Variants in BTBD2 observed in about 807,000 individuals in gnomAD.
BTBD2 encodes BTB/POZ domain-containing protein 2.
In BTBD2, 15 loss-of-function variants were observed where a neutral mutation model predicts 44.0. The observed-to-expected ratio is 0.34, with a 90% confidence interval of 0.23 to 0.53. BTBD2 has a LOEUF of 0.53. Ranked by LOEUF, BTBD2 falls within the 20% of genes least tolerant of loss-of-function variation. The pLI is 0.95. For missense variants in BTBD2, 657 were observed against 746.4 expected (o/e 0.88, Z 1.39); for synonymous variants, 443 against 335.9 (o/e 1.32, Z -3.49).
intron 1 of BTBD2, among the ~76,000 whole-genome samples, chr19:2,003,796 AAAG>A (rs2016360463): frequency 1.8e-5 from 2 of 111,198 alleles, no homozygotes; most frequent in Non-Finnish European, 4.2e-5. Flanking sequence ...AAGAGAAAGA[AAAG>A]AAAAGAAAAG....
rs1176271693 is a variant in BTBD2 at position 1,987,533 on chromosome 19, C to T, written c.1148G>A (p.Arg383His). The T allele has an allele frequency of 1.9e-6, 3 of 1,604,954 alleles. No homozygotes were observed. The highest frequency in any genetic ancestry group is 3.4e-5 in the Admixed American group (2 of 58,784). ...GTCACTGGTCCCGCTGTAGCCCCAG[C>T]GACTCTCCACCTGCTGGAAGCGGTT... is the stretch of plus-strand genomic sequence containing the variant. Reference protein sequence around the residue: ...SINRFQQVESRWGYSGTSDRI... With the variant: ...SINRFQQVESHWGYSGTSDRI... The change falls in exon 6 of 9, where the codon CGC (arginine) becomes CAC (histidine). Residue 383 changes from arginine to histidine, a missense_variant. Transcript: ENST00000255608.
chr19:2,011,310 G>A (rs1022114382), intron 1 of BTBD2, among the ~76,000 whole-genome samples: 20 of 151,986 alleles, frequency 1.3e-4, no homozygotes, highest in African/African-American at 4.1e-4. Context: ...CGTCCCCACC[G>A]AGCCCGCTGC....
chr19:1,989,681 C>CACAG, intron 5 of BTBD2: 1 of 394,748 alleles, frequency 2.5e-6, no homozygotes. Context: ...CTGAGCTCGT[C>CACAG]ACAGACACTG....
At chr19:2,008,314 TTTC>T (rs202032967) in intron 1 of BTBD2, among the ~76,000 whole-genome samples, 1,933 of 150,444 alleles carry the variant, frequency 0.013, 35 homozygotes, top group African/African-American at 0.044. Flanking sequence ...TTTTTTTTTT[TTTC>T]TAGGTGGAGT....
At chr19:1,998,560 C>G (rs1045381775) in intron 1 of BTBD2, among the ~76,000 whole-genome samples, 3 of 152,316 alleles carry the variant, frequency 2.0e-5, no homozygotes, top group African/African-American at 7.2e-5. Context: ...TCTTCGATAT[C>G]GCCACAGGCA....
chr19:2,012,664 C>G (rs1241050276), intron 1 of BTBD2, among the ~76,000 whole-genome samples: 1 of 152,204 alleles, frequency 6.6e-6, no homozygotes, highest in African/African-American at 2.4e-5. Flanking sequence ...GTCCCAGGCC[C>G]GCCCACCTTA....
intron 4 of BTBD2, chr19:1,990,500 A>G: frequency 1.6e-6 from 1 of 611,204 alleles, no homozygotes; most frequent in Non-Finnish European, 2.9e-6. Flanking sequence ...GATGGTCACC[A>G]TCAGCTGGGA....
At chr19:2,001,324 GTC>G (rs1424375700) in intron 1 of BTBD2, among the ~76,000 whole-genome samples, 11 of 151,814 alleles carry the variant, frequency 7.2e-5, no homozygotes, top group Admixed American at 7.2e-4. Context: ...GTGAAACCCC[GTC>G]TCTACTAAAA....
At chr19:1,988,016 TG>T (rs1397612465) in intron 5 of BTBD2, 3 of 301,132 alleles carry the variant, frequency 1.0e-5, no homozygotes, top group Non-Finnish European at 1.9e-5. Flanking sequence ...TCACTGTGGG[TG>T]GGGGCGGGGG....
intron 5 of BTBD2, 132 bp downstream of exon 5, chr19:1,989,872 C>A (rs1008963892): frequency 2.8e-6 from 3 of 1,073,200 alleles, no homozygotes; most frequent in African/African-American, 3.1e-5. Flanking sequence ...AGCCAGGTTT[C>A]TTCCTATCTG....
chr19:1,986,268 A>G lies in BTBD2; in HGVS notation c.*220T>C, dbSNP rs567938916. 9 of 571,010 alleles carry G rather than the reference A, an allele frequency of 1.6e-5. No homozygotes were observed. The highest frequency in any genetic ancestry group is 2.4e-5 in the Non-Finnish European group (8 of 329,076). 35.4% of individuals were successfully genotyped at this position (571,010 alleles called of 1,614,324 possible). Reference sequence around the variant, plus strand: ...GGGATTGTCTCCACAGGGCCTGGCCACTGGCCTGGCCACCTCCCCGGCTGC... The same window carrying G: ...GGGATTGTCTCCACAGGGCCTGGCCGCTGGCCTGGCCACCTCCCCGGCTGC... On this transcript the variant is annotated 3_prime_UTR_variant, in exon 9 of 9. Coordinates refer to ENST00000255608, the MANE Select transcript of BTBD2 (RefSeq NM_017797.4).
intron 1 of BTBD2, among the ~76,000 whole-genome samples, chr19:2,014,998 G>T (rs2016514433): frequency 6.6e-6 from 1 of 150,868 alleles, no homozygotes; most frequent in Admixed American, 6.6e-5. Flanking sequence ...TGGAGTCTAG[G>T]GATGGAAGGG....
chr19:1,986,354 G>A lies in BTBD2; in HGVS notation c.*134C>T. ...GCAACCCCGTCCTGATGCTGAGAAA[G>A]GTGGCATGGAGTGGACAGACGGCCT... On this transcript the variant is annotated 3_prime_UTR_variant, in exon 9 of 9. Transcript: ENST00000255608. The A allele has an allele frequency of 1.8e-6, 2 of 1,112,902 alleles. No homozygotes were observed. The highest frequency in any genetic ancestry group is 2.6e-6 in the Non-Finnish European group (2 of 761,978). 68.9% of individuals were successfully genotyped at this position (1,112,902 alleles called of 1,614,324 possible). A position where few individuals can be genotyped will look rare whatever the true frequency, so the allele number is the denominator to read the frequency against.
intron 1 of BTBD2, among the ~76,000 whole-genome samples, chr19:2,000,451 G>A (rs150534335): frequency 9.2e-5 from 14 of 152,364 alleles, no homozygotes; most frequent in Admixed American, 4.6e-4. Context: ...AGGCACTCAA[G>A]TGGGCCCGGC....
intron 1 of BTBD2, among the ~76,000 whole-genome samples, chr19:2,006,630 A>C (rs566936752): frequency 6.6e-6 from 1 of 152,190 alleles, no homozygotes; most frequent in African/African-American, 2.4e-5. Context: ...CCGTTAGCCC[A>C]GGGCTGGCAA....
At position 2,012,856 on chromosome 19, in the gene BTBD2, G is replaced by A. The variant is rs185409256; in HGVS notation, c.407+2441C>T. On this transcript the variant is annotated intron_variant, in intron 1 of 8. Transcript: ENST00000255608. ...CCCAAGGTCAGCCGGTGCCCGGGGC[G>A]CCCCACCTCCCCCCTCAAACAGAAA... 7.2e-4 allele frequency among the ~76,000 whole-genome samples: 109 copies of A among 152,218 alleles called. 1 individual carries two copies. Among genetic ancestry groups the A allele is most frequent in the African/African-American group, 2.4e-3 (100 of 41,546 alleles).
At chr19:1,991,253 G>A (rs979243990) in intron 3 of BTBD2, 2 of 171,920 alleles carry the variant, frequency 1.2e-5, no homozygotes, top group East Asian at 1.8e-4. Context: ...GGGAGGGGCC[G>A]TGTCCCCGGC....
chr19:1,997,301 C>T lies in BTBD2; in HGVS notation c.527+43G>A, dbSNP rs769561691. The T allele has an allele frequency of 1.9e-6, 3 of 1,612,638 alleles. No individual in the cohort carries two copies. In the African/African-American group the frequency reaches 4.0e-5, roughly 22 times the overall value. ...GGTCTACGTTCTCTGAGGTCCCCCT[C>T]CCCAGGCCCAGCTCCCCAGCAGGAA... is the stretch of plus-strand genomic sequence containing the variant. On this transcript the variant is annotated intron_variant, in intron 2 of 8. Coordinates refer to ENST00000255608, the MANE Select transcript of BTBD2 (RefSeq NM_017797.4).
intron 1 of BTBD2, chr19:2,013,718 C>G: frequency 3.1e-6 from 3 of 978,126 alleles, no homozygotes; most frequent in Non-Finnish European, 3.6e-6. Context: ...AGGGGGTATC[C>G]CTGGAGGGGA....
Sources: gnomAD v4.1 joint callset for allele counts (sites outside exome capture counted in the v4.1 genomes callset) on GRCh38, gnomAD v4.1.1 for gene constraint, MANE v1.5 for transcripts, NCBI Gene and HGNC (gene_info 2026-07-23, HGNC 2026-07-21) for gene names.